Variants in UBASH3B observed in about 807,000 individuals in gnomAD.
The protein encoded by UBASH3B is ubiquitin associated and SH3 domain containing B, also known as ubiquitin-associated and SH3 domain-containing protein B.
In UBASH3B, 37 loss-of-function variants were observed where a neutral mutation model predicts 83.4. The observed-to-expected ratio is 0.44, with a 90% CI of 0.34 to 0.58. The LOEUF is 0.58. Ranked by LOEUF, UBASH3B falls within the 20% of genes least tolerant of loss-of-function variation. UBASH3B has a pLI of 0.01. For missense variants in UBASH3B, 657 were observed against 827.2 expected (o/e 0.79, Z 2.52); for synonymous variants, 304 against 318.3 (o/e 0.96, Z 0.48).
chr11:122,804,118 T>C (rs936199627), intron 11 of UBASH3B, among the ~76,000 whole-genome samples: 1 of 152,074 alleles, frequency 6.6e-6, no homozygotes, highest in Non-Finnish European at 1.5e-5. Flanking sequence ...ACACTTGAAA[T>C]GACTCCCTGG....
At chr11:122,801,627 G>A (rs946570001) in intron 11 of UBASH3B, among the ~76,000 whole-genome samples, 22 of 152,196 alleles carry the variant, frequency 1.4e-4, no homozygotes, top group African/African-American at 5.3e-4. Context: ...CAATAAGCAC[G>A]AGCTAATGAT....
intron 11 of UBASH3B, among the ~76,000 whole-genome samples, chr11:122,805,954 A>G (rs1861333988): frequency 6.6e-6 from 1 of 152,220 alleles, no homozygotes; most frequent in African/African-American, 2.4e-5. Context: ...AAAGGAAAAG[A>G]CTGGTGAAAT....
At chr11:122,660,140 C>G (rs1211844191) in intron 1 of UBASH3B, among the ~76,000 whole-genome samples, 3 of 152,176 alleles carry the variant, frequency 2.0e-5, no homozygotes, top group Non-Finnish European at 2.9e-5. Flanking sequence ...AGGGTGTGCT[C>G]TCTCTAGCTC....
At chr11:122,659,308 G>GC (rs1863404401) in intron 1 of UBASH3B, among the ~76,000 whole-genome samples, 1 of 152,126 alleles carries the variant, frequency 6.6e-6, no homozygotes, top group Non-Finnish European at 1.5e-5. Context: ...TACTAGCACT[G>GC]CCCCTCTTTA....
chr11:122,734,866 G>A (rs955020538), intron 1 of UBASH3B, among the ~76,000 whole-genome samples: 12 of 151,114 alleles, frequency 7.9e-5, no homozygotes, highest in Middle Eastern at 3.5e-3. Flanking sequence ...GTGTCAAAAC[G>A]TTTCCCTCTG....
chr11:122,665,252 A>G (rs577540291), intron 1 of UBASH3B, among the ~76,000 whole-genome samples: 2 of 152,040 alleles, frequency 1.3e-5, no homozygotes, highest in African/African-American at 4.8e-5. Context: ...ATCCTAGCTC[A>G]TTGCAGCCTC....
chr11:122,799,921 A>G (rs2135180455), intron 10 of UBASH3B, among the ~76,000 whole-genome samples: 1 of 152,322 alleles, frequency 6.6e-6, no homozygotes, highest in East Asian at 1.9e-4. Context: ...AAACAAGCCA[A>G]CAAAGAATTT....
At chr11:122,684,184 C>T (rs1365634166) in intron 1 of UBASH3B, among the ~76,000 whole-genome samples, 2 of 152,194 alleles carry the variant, frequency 1.3e-5, no homozygotes, top group Non-Finnish European at 2.9e-5. Context: ...ATCCTAGAGT[C>T]TGTGTGCACA....
chr11:122,697,050 T>C (rs140936878), intron 1 of UBASH3B, among the ~76,000 whole-genome samples: 10 of 152,308 alleles, frequency 6.6e-5, no homozygotes, highest in African/African-American at 2.2e-4. Flanking sequence ...CCCAGCTCTT[T>C]TGGGGATACA....
At chr11:122,779,454 C>G (rs777968381) in intron 3 of UBASH3B, 43 bp from the exon 4 acceptor site, 1 of 1,607,488 alleles carries the variant, frequency 6.2e-7, no homozygotes, top group South Asian at 1.1e-5. Context: ...AGACTTCCAT[C>G]TCCCCTTGTC....
At chr11:122,727,997 C>T (rs1012211560) in intron 1 of UBASH3B, among the ~76,000 whole-genome samples, 12 of 150,006 alleles carry the variant, frequency 8.0e-5, no homozygotes, top group South Asian at 2.1e-4. Context: ...CCCATCTTAT[C>T]ATTATTATTA....
chr11:122,695,668 C>T (rs1277822615), intron 1 of UBASH3B, among the ~76,000 whole-genome samples: 1 of 152,044 alleles, frequency 6.6e-6, no homozygotes, highest in Non-Finnish European at 1.5e-5. Flanking sequence ...CATTGTGATC[C>T]TCTTAGTGCC....
intron 1 of UBASH3B, among the ~76,000 whole-genome samples, chr11:122,703,525 GA>G: frequency 6.6e-6 from 1 of 152,228 alleles, no homozygotes; most frequent in African/African-American, 2.4e-5. Context: ...AAATATGGGG[GA>G]AAATGCCTGC....
intron 4 of UBASH3B, among the ~76,000 whole-genome samples, chr11:122,782,120 A>G (rs1396614627): frequency 6.6e-6 from 1 of 152,132 alleles, no homozygotes; most frequent in African/African-American, 2.4e-5. Flanking sequence ...TCACACCTGT[A>G]GTCCCAGCTA....
intron 5 of UBASH3B, among the ~76,000 whole-genome samples, chr11:122,783,907 A>G (rs1057469322): frequency 6.6e-6 from 1 of 151,822 alleles, no homozygotes; most frequent in Non-Finnish European, 1.5e-5. Flanking sequence ...TGCCTTCTAG[A>G]CAAGTATGTG....
At chr11:122,799,720 A>G (rs77881952) in intron 10 of UBASH3B, among the ~76,000 whole-genome samples, 1,983 of 152,198 alleles carry the variant, frequency 0.013, 51 homozygotes, top group African/African-American at 0.045. Flanking sequence ...TCAAATCTTA[A>G]TCATCATTTT....
intron 1 of UBASH3B, among the ~76,000 whole-genome samples, chr11:122,708,717 T>C (rs948951877): frequency 6.6e-6 from 1 of 152,212 alleles, no homozygotes. Flanking sequence ...GAGTCAGGCA[T>C]CTCTAAGTAT....
chr11:122,723,198 T>A (rs7944444), intron 1 of UBASH3B, among the ~76,000 whole-genome samples: 64,011 of 152,090 alleles, frequency 0.42, 14,947 homozygotes, highest in Middle Eastern at 0.55. Context: ...TCCTTTGTCA[T>A]TTCTGACAAT....
intron 11 of UBASH3B, among the ~76,000 whole-genome samples, chr11:122,801,634 T>C (rs1480598189): frequency 1.3e-5 from 2 of 152,252 alleles, no homozygotes; most frequent in Non-Finnish European, 2.9e-5. Flanking sequence ...CACGAGCTAA[T>C]GATGATGCAG....
Sources: gnomAD v4.1 joint callset for allele counts (sites outside exome capture counted in the v4.1 genomes callset) on GRCh38, gnomAD v4.1.1 for gene constraint, MANE v1.5 for transcripts, NCBI Gene and HGNC (gene_info 2026-07-23, HGNC 2026-07-21) for gene names.